Variants in BRPF3 observed in about 807,000 individuals in gnomAD.
The protein encoded by BRPF3 is bromodomain and PHD finger-containing protein 3.
A neutral mutation model predicts 102.0 loss-of-function variants in BRPF3; 18 were observed. The observed-to-expected ratio is 0.18, with a 90% confidence interval of 0.12 to 0.26. BRPF3 has a LOEUF of 0.26. BRPF3 is among the 10% of genes least tolerant of loss of function. The probability of loss-of-function intolerance (pLI) is 1.00; values close to 1 mark genes in which losing one functional copy is unlikely to be tolerated. For missense variants in BRPF3, 1,147 were observed against 1,567.8 expected (o/e 0.73, Z 4.53); for synonymous variants, 570 against 614.2 (o/e 0.93, Z 1.06).
In BRPF3 at chr6:36,200,814, G is replaced by A. The variant is rs774103028; in HGVS notation, c.492G>A (p.Leu164=). 3.1e-6 allele frequency: 5 copies of A among 1,614,150 alleles called. No homozygotes were observed. Among genetic ancestry groups the A allele is most frequent in the Non-Finnish European group, 2.5e-6 (3 of 1,180,026 alleles). ...TGGATGAGGAGGACCTTGCCTGGCT[G>A]GACATGGTGAATGAAAAACGGCGAG... ...YDMDEEDLAW[L]DMVNEKRRVD... The change falls in exon 2 of 13, where the codon CTG becomes CTA. Residue 164 remains leucine (L), a synonymous_variant. Coordinates refer to ENST00000357641, the MANE Select transcript of BRPF3 (RefSeq NM_015695.3). The surrounding 1 kb of genome is among the most constrained non-coding windows in gnomAD (Gnocchi z 5.3).
chr6:36,202,905 A>G (rs571841182), intron 2 of BRPF3, among the ~76,000 whole-genome samples: 23 of 152,160 alleles, frequency 1.5e-4, no homozygotes, highest in African/African-American at 5.1e-4. Flanking sequence ...TGTGAGAGCT[A>G]TGAATAGGCA....
chr6:36,198,563 A>G (rs1428862911), intron 1 of BRPF3, among the ~76,000 whole-genome samples: 2 of 152,200 alleles, frequency 1.3e-5, no homozygotes, highest in Non-Finnish European at 2.9e-5. Context: ...TTCTGTGTAG[A>G]TGATAATAGC....
In BRPF3 at chr6:36,229,044, A is replaced by T; in HGVS notation, c.3422A>T (p.Asn1141Ile). Residue 1141 changes from asparagine (N) to isoleucine (I), a missense_variant, in exon 12 of 13, where the codon AAC becomes ATC. By Grantham distance (149) the Asn-to-Ile change is moderately radical. Transcript: ENST00000357641. ...EKLFLVLFFDNKRTWQWLPRD... is the reference protein window; with the variant it reads ...EKLFLVLFFDIKRTWQWLPRD... ...CTCTTCCTTGTCCTCTTCTTTGACA[A>T]CAAGCGCACCTGGTTAGTGGGTGCT... is the stretch of plus-strand genomic sequence containing the variant. 1 of 1,614,058 alleles carries T rather than the reference A, an allele frequency of 6.2e-7. No homozygotes were observed. Among genetic ancestry groups the T allele is most frequent in the Non-Finnish European group, 8.5e-7 (1 of 1,180,004 alleles).
intron 8 of BRPF3, among the ~76,000 whole-genome samples, chr6:36,215,039 C>T (rs920618105): frequency 6.6e-6 from 1 of 150,510 alleles, no homozygotes; most frequent in African/African-American, 2.5e-5. Flanking sequence ...AGTTTGGCTG[C>T]AGCAGAGGGG....
chr6:36,204,666 A>C lies in BRPF3; in HGVS notation c.1457A>C (p.Lys486Thr), dbSNP rs1302590235. The change falls in exon 3 of 13, where the codon AAG becomes ACG. Residue 486 changes from lysine (K) to threonine (T), a missense_variant. This residue lies in a region of BRPF3 where 157 missense variants were observed against 163.6 expected (regional missense o/e 0.96). Transcript: ENST00000357641. The stretch of plus-strand genomic sequence containing the variant: ...GTGTGCCTCTACTCAAGGTTGAACA[A>C]GATCTGTAGTGGTCTCTCCTTTCAG... ...VPQIPSYRLN[K>T]ICSGLSFQRK... 4 of 1,614,072 alleles carry C rather than the reference A, an allele frequency of 2.5e-6. No individual in the cohort carries two copies. The African/African-American group carries it at 4.0e-5, about 16-fold the overall frequency.
rs1477945143 is a variant in BRPF3 at position 36,211,289 on chromosome 6, C to T, written c.2211C>T (p.Ala737=). The part of the protein sequence containing the change: ...VDNILIPENR[A]HLSPEVQLKE... The stretch of plus-strand genomic sequence containing the variant: ...ACATCCTCATCCCAGAGAACCGGGC[C>T]CATTTGTCCCCAGAGGTGCAGCTGA... Residue 737 remains alanine (A), a synonymous_variant, in exon 7 of 13, where the codon GCC becomes GCT. Transcript: ENST00000357641. 1.2e-6 allele frequency: 2 copies of T among 1,613,964 alleles called. No homozygotes were observed. The highest frequency in any genetic ancestry group is 1.3e-5 in the African/African-American group (1 of 74,944).
rs756676480 is a variant in BRPF3, at chr6:36,207,464, C to G, written c.1737+20C>G. 1.2e-6 allele frequency: 2 copies of G among 1,612,646 alleles called. No homozygotes were observed. Among genetic ancestry groups the G allele is most frequent in the Non-Finnish European group, 1.7e-6 (2 of 1,179,254 alleles). On this transcript the variant is annotated intron_variant, in intron 4 of 12. Coordinates refer to ENST00000357641, the MANE Select transcript of BRPF3 (RefSeq NM_015695.3). ...GAGCAGGTAAGGAGGAGCCCCCAGCCCTAGGGCCCTAGTTCAAGGCCACTT... is the reference window on the plus strand; with the variant it reads ...GAGCAGGTAAGGAGGAGCCCCCAGCGCTAGGGCCCTAGTTCAAGGCCACTT...
At chr6:36,205,534 C>T (rs1767874554) in intron 3 of BRPF3, among the ~76,000 whole-genome samples, 1 of 152,202 alleles carries the variant, frequency 6.6e-6, no homozygotes, top group African/African-American at 2.4e-5. Flanking sequence ...CCACCTGCTC[C>T]ACTGAAGCCT....
chr6:36,200,208 A>G lies in BRPF3; in HGVS notation c.-26-89A>G. ...AGTTGTTCAGACAGAGGGAAAAGCC[A>G]GTCCTCTTGGTGGATGCTTGATCAT... On this transcript the variant is annotated intron_variant, in intron 1 of 12. Coordinates refer to ENST00000357641, the MANE Select transcript of BRPF3 (RefSeq NM_015695.3). The surrounding 1 kb of genome is among the most constrained non-coding windows in gnomAD (Gnocchi z 5.3). The G allele has an allele frequency of 7.1e-7, 1 of 1,414,080 alleles. No homozygotes were observed. The highest frequency in any genetic ancestry group is 1.4e-5 in the African/African-American group (1 of 69,334). 87.6% of individuals were successfully genotyped at this position (1,414,080 alleles called of 1,614,324 possible). A position where few individuals can be genotyped will look rare whatever the true frequency, so the allele number is the denominator to read the frequency against.
intron 7 of BRPF3, among the ~76,000 whole-genome samples, chr6:36,212,902 G>A (rs989196932): frequency 1.4e-4 from 22 of 152,140 alleles, no homozygotes; most frequent in South Asian, 2.1e-4. Flanking sequence ...GCAGTGAGCC[G>A]AGATTGCGCC....
rs1206969477 is a variant in BRPF3, at chr6:36,210,561, G to A, written c.2179+33G>A. On this transcript the variant is annotated intron_variant, in intron 6 of 12. Coordinates refer to ENST00000357641, the MANE Select transcript of BRPF3 (RefSeq NM_015695.3). This position sits in a 1 kb window ranked among gnomAD's most constrained non-coding sequence, Gnocchi z 4.7. ...GCCTGGATGGGTGGGGAGGAGAGGG[G>A]CCAGGAGGAGGCACAGGAACAGAGT... The A allele has an allele frequency of 6.5e-6, 10 of 1,548,716 alleles. No homozygotes were observed. The highest frequency in any genetic ancestry group is 8.7e-6 in the Non-Finnish European group (10 of 1,153,274).
intron 3 of BRPF3, 24 bp from the exon 4 acceptor site, chr6:36,207,289 T>A (rs1043333317): frequency 1.2e-6 from 2 of 1,607,602 alleles, no homozygotes; most frequent in South Asian, 2.2e-5. Context: ...AGGTTCCTAG[T>A]CCCTCTTCTC....
chr6:36,230,431 G>A lies in BRPF3; in HGVS notation c.3440G>A (p.Trp1147Ter). 1 of 1,614,038 alleles carries A rather than the reference G, an allele frequency of 6.2e-7. No individual in the cohort carries two copies. Among genetic ancestry groups the A allele is most frequent in the Non-Finnish European group, 8.5e-7 (1 of 1,179,940 alleles). Residue 1147 changes from tryptophan to a stop codon, truncating the protein, a stop_gained, in exon 13 of 13, where the codon TGG becomes TAG. Transcript: ENST00000357641. LOFTEE classifies it high-confidence loss of function. This position sits in a 1 kb window ranked among gnomAD's most constrained non-coding sequence, Gnocchi z 5.4. ...LFFDNKRTWQ[W>*]LPRDKVLPLG... ...TTACTGTGCTTGCATTTCAGGCAGTGGCTTCCAAGGGACAAAGTCCTGCCC... is the reference window on the plus strand; with the variant it reads ...TTACTGTGCTTGCATTTCAGGCAGTAGCTTCCAAGGGACAAAGTCCTGCCC...
rs1768965233 is a variant in BRPF3, at chr6:36,232,406, T to C, written c.*1797T>C. 6.6e-6 allele frequency: 1 copy of C among 152,480 alleles called. No homozygotes were observed. The highest frequency in any genetic ancestry group is 2.1e-4 in the South Asian group (1 of 4,836). The allele number at this position is 152,480 out of a possible 1,614,324, so 9.4% of individuals were successfully genotyped here. A position where few individuals can be genotyped will look rare whatever the true frequency, so the allele number is the denominator to read the frequency against. ...ACCTGTGTTGTAAGATCTTGGGACT[T>C]CCTCTCTTTCTATGTCTATCTCTTC... On this transcript the variant is annotated 3_prime_UTR_variant, in exon 13 of 13. Coordinates refer to ENST00000357641, the MANE Select transcript of BRPF3 (RefSeq NM_015695.3).
rs965210110 is a variant in BRPF3 at position 36,209,711 on chromosome 6, C to G, written c.1738-76C>G. On this transcript the variant is annotated intron_variant, in intron 4 of 12. Transcript: ENST00000357641. ...TTTGTTGTACAAGATTGGTAAAAGTCAAACTATCAAGAAAAAGTTTCAGTA... is the reference window on the plus strand; with the variant it reads ...TTTGTTGTACAAGATTGGTAAAAGTGAAACTATCAAGAAAAAGTTTCAGTA... The G allele has an allele frequency of 1.1e-5, 17 of 1,539,744 alleles. No individual in the cohort carries two copies. The South Asian group carries it at 2.1e-4, about 19-fold the overall frequency.
At chr6:36,217,004 A>G in intron 8 of BRPF3, among the ~76,000 whole-genome samples, 1 of 152,108 alleles carries the variant, frequency 6.6e-6, no homozygotes, top group Non-Finnish European at 1.5e-5. Context: ...ACACCACTGC[A>G]CTCCGCCTGG....
chr6:36,220,446 C>T (rs111578670), intron 9 of BRPF3, among the ~76,000 whole-genome samples: 1 of 152,134 alleles, frequency 6.6e-6, no homozygotes, highest in African/African-American at 2.4e-5. Flanking sequence ...AAGTAACTTG[C>T]TGAAGGTTAC....
intron 4 of BRPF3, among the ~76,000 whole-genome samples, chr6:36,208,124 G>A (rs1767969680): frequency 6.6e-6 from 1 of 152,228 alleles, no homozygotes; most frequent in African/African-American, 2.4e-5. Flanking sequence ...ACTTCATCAT[G>A]TAAAGAGCTT....
chr6:36,229,173 C>A, intron 12 of BRPF3, 117 bp downstream of exon 12: 2 of 1,341,104 alleles, frequency 1.5e-6, no homozygotes, highest in Non-Finnish European at 2.0e-6. Flanking sequence ...CTGGTCTCCA[C>A]TTGCCAGCAA....
Sources: gnomAD v4.1 joint callset for allele counts (sites outside exome capture counted in the v4.1 genomes callset) on GRCh38, gnomAD v4.1.1 for gene constraint, gnomAD v4.1.1 regional missense constraint, Gnocchi (gnomAD v3.1) non-coding constraint, MANE v1.5 for transcripts, NCBI Gene and HGNC (gene_info 2026-07-23, HGNC 2026-07-21) for gene names.